Variants in ZNF704 observed in about 807,000 individuals in gnomAD.
ZNF704 encodes the protein zinc finger protein 704.
Under a neutral mutation model 44.7 loss-of-function variants are expected in ZNF704, and 10 were observed. The observed-to-expected ratio is 0.22, with a 90% CI of 0.14 to 0.38. ZNF704 has a LOEUF of 0.38. ZNF704 is among the 10% of genes least tolerant of loss of function. The pLI is 1.00. For missense variants in ZNF704, 390 were observed against 545.5 expected (o/e 0.71, Z 2.84); for synonymous variants, 211 against 207.6 (o/e 1.02, Z -0.14).
intron 7 of ZNF704, among the ~76,000 whole-genome samples, chr8:80,644,131 G>A (rs2131590459): frequency 6.6e-6 from 1 of 152,330 alleles, no homozygotes; most frequent in African/African-American, 2.4e-5. Flanking sequence ...ACCCCACGCA[G>A]TATTACTATT....
At chr8:80,690,243 C>A (rs890193685) in intron 3 of ZNF704, among the ~76,000 whole-genome samples, 1 of 152,028 alleles carries the variant, frequency 6.6e-6, no homozygotes, top group Non-Finnish European at 1.5e-5. Context: ...CATTGAAGAG[C>A]CAAAAGGTTT....
rs993761661 is a variant in ZNF704 at position 80,755,940 on chromosome 8, T to TA, written c.222-62834dup. On this transcript the variant is annotated intron_variant, in intron 2 of 8. Coordinates refer to ENST00000327835, the MANE Select transcript of ZNF704 (RefSeq NM_001033723.3). ...GGGCAACACTCAAGACCCCATCTCTTAAAAAAAAAAATCAATAAATCAGCT... is the reference window on the plus strand; with the variant it reads ...GGGCAACACTCAAGACCCCATCTCTTAAAAAAAAAAAATCAATAAATCAGCT... 3.6e-3 allele frequency among the ~76,000 whole-genome samples: 535 copies of TA among 147,142 alleles called. 3 individuals carry two copies. The highest frequency in any genetic ancestry group is 8.2e-3 in the African/African-American group (331 of 40,186).
intron 1 of ZNF704, among the ~76,000 whole-genome samples, chr8:80,834,273 T>C (rs1808521210): frequency 6.6e-6 from 1 of 152,098 alleles, no homozygotes; most frequent in Admixed American, 6.5e-5. Context: ...GTTCCATGAC[T>C]TTCAGTTACA....
chr8:80,650,154 C>T (rs1393924268), intron 7 of ZNF704, among the ~76,000 whole-genome samples: 5 of 152,128 alleles, frequency 3.3e-5, no homozygotes, highest in Admixed American at 2.6e-4. Flanking sequence ...ACACCAAAAC[C>T]CCATCTGTAT....
At chr8:80,876,278 A>C (rs750114943), upstream of ZNF704, among the ~76,000 whole-genome samples, 3 of 152,218 alleles carry the variant, frequency 2.0e-5, no homozygotes, top group Non-Finnish European at 4.4e-5. Flanking sequence ...ACAGAACATT[A>C]AGAGATGGGT....
chr8:80,745,483 T>C (rs1391874715), intron 2 of ZNF704, among the ~76,000 whole-genome samples: 2 of 152,110 alleles, frequency 1.3e-5, no homozygotes, highest in African/African-American at 4.8e-5. Context: ...GGAAATGACA[T>C]CTTCAGGAGA....
chr8:80,701,506 T>A (rs1481340080), intron 2 of ZNF704, among the ~76,000 whole-genome samples: 1 of 152,124 alleles, frequency 6.6e-6, no homozygotes, highest in African/African-American at 2.4e-5. Flanking sequence ...AGCCACTGCC[T>A]CCACCTGTGC....
chr8:80,675,810 G>A (rs1818356068), intron 4 of ZNF704, among the ~76,000 whole-genome samples: 1 of 152,130 alleles, frequency 6.6e-6, no homozygotes, highest in African/African-American at 2.4e-5. Context: ...GCAGGACACT[G>A]GATATGTGAA....
chr8:80,796,686 G>A (rs1296895491), intron 2 of ZNF704, among the ~76,000 whole-genome samples: 4 of 152,094 alleles, frequency 2.6e-5, no homozygotes, highest in Non-Finnish European at 5.9e-5. Flanking sequence ...CAGGCATAGA[G>A]TGGACATTCC....
chr8:80,775,776 G>T (rs1398543567), intron 2 of ZNF704, among the ~76,000 whole-genome samples: 1 of 152,170 alleles, frequency 6.6e-6, no homozygotes, highest in East Asian at 1.9e-4. Context: ...CAACTCCAGA[G>T]TGAAATGGCA....
intron 1 of ZNF704, among the ~76,000 whole-genome samples, chr8:80,863,120 T>C (rs1005911911): frequency 2.6e-5 from 4 of 152,214 alleles, no homozygotes; most frequent in Non-Finnish European, 4.4e-5. Flanking sequence ...ACTCTTCAGA[T>C]ATTTATTTTT....
chr8:80,633,329 A>T lies in ZNF704; in HGVS notation c.*8037T>A, dbSNP rs2131580590. 6.6e-6 allele frequency: 1 copy of T among 152,354 alleles called. No individual in the cohort carries two copies. The highest frequency in any genetic ancestry group is 6.5e-5 in the Admixed American group (1 of 15,306). 9.4% of individuals were successfully genotyped at this position (152,354 alleles called of 1,614,324 possible). ...CAAAGAGTCAAAACTTTTACTCAGAACATACATTTAGCTAATAAACTCCTA... is the reference window on the plus strand; with the variant it reads ...CAAAGAGTCAAAACTTTTACTCAGATCATACATTTAGCTAATAAACTCCTA... On this transcript the variant is annotated 3_prime_UTR_variant, in exon 9 of 9. Coordinates refer to ENST00000327835, the MANE Select transcript of ZNF704 (RefSeq NM_001033723.3).
intron 1 of ZNF704, among the ~76,000 whole-genome samples, chr8:80,822,296 G>A (rs933005715): frequency 1.2e-4 from 13 of 112,320 alleles, no homozygotes; most frequent in Middle Eastern, 4.6e-3. Context: ...GACAGGCCCC[G>A]GTGTATGATG....
chr8:80,821,285 C>A, intron 2 of ZNF704, 89 bp downstream of exon 2: 8 of 1,339,952 alleles, frequency 6.0e-6, no homozygotes, highest in Non-Finnish European at 8.5e-6. Flanking sequence ...TGTCTATATA[C>A]TGAAGAGAGT....
chr8:80,753,776 A>G (rs1034336629), intron 2 of ZNF704, among the ~76,000 whole-genome samples: 10 of 152,222 alleles, frequency 6.6e-5, no homozygotes, highest in African/African-American at 2.4e-4. Context: ...TTCCACAAAC[A>G]TGCAGTAACC....
intron 1 of ZNF704, among the ~76,000 whole-genome samples, chr8:80,844,475 G>T (rs1445248348): frequency 6.6e-6 from 1 of 152,002 alleles, no homozygotes; most frequent in Non-Finnish European, 1.5e-5. Flanking sequence ...CCTCCCAAAG[G>T]TCCTACCTCC....
chr8:80,827,028 C>T (rs1341385705), intron 1 of ZNF704, among the ~76,000 whole-genome samples: 1 of 152,062 alleles, frequency 6.6e-6, no homozygotes, highest in East Asian at 1.9e-4. Flanking sequence ...ACATGGATGC[C>T]CTCTCTCTCC....
intron 1 of ZNF704, among the ~76,000 whole-genome samples, chr8:80,825,607 A>T (rs908223697): frequency 6.6e-6 from 1 of 152,194 alleles, no homozygotes; most frequent in Non-Finnish European, 1.5e-5. Flanking sequence ...CTCCACCCCA[A>T]ATCAACAGAA....
At chr8:80,707,101 A>G (rs1473916152) in intron 2 of ZNF704, among the ~76,000 whole-genome samples, 1 of 152,206 alleles carries the variant, frequency 6.6e-6, no homozygotes, top group Non-Finnish European at 1.5e-5. Flanking sequence ...CCATTTTATA[A>G]ACATGGAGAC....
Sources: gnomAD v4.1 joint callset for allele counts (sites outside exome capture counted in the v4.1 genomes callset) on GRCh38, gnomAD v4.1.1 for gene constraint, MANE v1.5 for transcripts, NCBI Gene and HGNC (gene_info 2026-07-23, HGNC 2026-07-21) for gene names.